The following HS3ST4 variants were observed in gnomAD, a reference collection of about 807,000 sequenced individuals.
The protein encoded by HS3ST4 is heparan sulfate-glucosamine 3-sulfotransferase 4, also known as heparan sulfate glucosamine 3-O-sulfotransferase 4.
HS3ST4 carries 17 observed loss-of-function variants against 29.2 expected under a neutral mutation model. The ratio of observed to expected loss-of-function variants is 0.58; its 90% CI spans 0.40 to 0.87. The LOEUF is 0.87. Ranked by LOEUF, HS3ST4 falls within the 40% of genes least tolerant of loss-of-function variation. The pLI, the probability that HS3ST4 is intolerant of heterozygous loss-of-function variation, is 0.00. For synonymous variants in HS3ST4, 314 were observed against 285.7 expected, an observed-to-expected ratio of 1.10 and a Z score of -1.00; for missense variants, 627 against 634.5, an observed-to-expected ratio of 0.99 and a Z score of 0.13.
At chr16:25,822,857 C>A (rs1227989528) in intron 1 of HS3ST4, among the ~76,000 whole-genome samples, 1 of 152,108 alleles carries the variant, frequency 6.6e-6, no homozygotes, top group Non-Finnish European at 1.5e-5. Context: ...CCTGCCTCAG[C>A]CTCCCAAGTA....
rs1423929466 is a variant in HS3ST4 at position 25,692,284 on chromosome 16, A to T, written c.-134A>T. On this transcript the variant is annotated 5_prime_UTR_variant, in exon 1 of 2. An upstream start codon of the reference 5' UTR is lost. Transcript: ENST00000331351. The stretch of plus-strand genomic sequence containing the variant: ...GCCGGGGGCGCAGCGGCGTCGCTTC[A>T]TGCAGCCGGGGCGGCTGGGCAGCGG... The T allele has an allele frequency of 1.3e-5, 2 of 152,220 alleles. No individual in the cohort carries two copies. The highest frequency in any genetic ancestry group is 2.7e-5 in the Non-Finnish European group (2 of 74,908). 9.4% of individuals were successfully genotyped at this position (152,220 alleles called of 1,614,324 possible).
intron 1 of HS3ST4, among the ~76,000 whole-genome samples, chr16:25,940,090 C>A (rs1409642230): frequency 2.6e-5 from 4 of 152,124 alleles, no homozygotes; most frequent in Non-Finnish European, 5.9e-5. Flanking sequence ...GAGCTTTATT[C>A]CGATTACATG....
chr16:25,931,390 A>G (rs116562184), intron 1 of HS3ST4, among the ~76,000 whole-genome samples: 2,485 of 152,324 alleles, frequency 0.016, 75 homozygotes, highest in African/African-American at 0.057. Context: ...CATGGCTTTC[A>G]TGCACTTAGG....
At chr16:25,820,138 A>G (rs934187928) in intron 1 of HS3ST4, among the ~76,000 whole-genome samples, 10 of 150,830 alleles carry the variant, frequency 6.6e-5, no homozygotes, top group African/African-American at 2.4e-4. Flanking sequence ...CTCCCATTAC[A>G]CCAACTCATG....
At chr16:25,864,809 C>T (rs1409110526) in intron 1 of HS3ST4, among the ~76,000 whole-genome samples, 1 of 150,286 alleles carries the variant, frequency 6.7e-6, no homozygotes, top group Non-Finnish European at 1.5e-5. Context: ...ATACATATTC[C>T]ATTGTATATA....
chr16:26,099,333 T>G (rs1044482026), intron 1 of HS3ST4, among the ~76,000 whole-genome samples: 1 of 152,100 alleles, frequency 6.6e-6, no homozygotes, highest in African/African-American at 2.4e-5. Flanking sequence ...TTTCAAAAAT[T>G]TTTGTGGAGT....
At chr16:26,078,247 T>G (rs913187594) in intron 1 of HS3ST4, among the ~76,000 whole-genome samples, 3 of 152,172 alleles carry the variant, frequency 2.0e-5, no homozygotes, top group African/African-American at 4.8e-5. Context: ...TTCATGCCTA[T>G]TCTTCTGCCT....
At chr16:25,927,039 G>A (rs1014853590) in intron 1 of HS3ST4, among the ~76,000 whole-genome samples, 1 of 151,732 alleles carries the variant, frequency 6.6e-6, no homozygotes, top group South Asian at 2.1e-4. Flanking sequence ...TCCAGCCTGG[G>A]CGACAAGAGC....
intron 1 of HS3ST4, among the ~76,000 whole-genome samples, chr16:26,057,404 G>T (rs1378490215): frequency 2.0e-5 from 3 of 152,188 alleles, no homozygotes; most frequent in Non-Finnish European, 4.4e-5. Flanking sequence ...CTCAGGTGTG[G>T]CCATATGACC....
At chr16:25,898,010 G>A (rs1311540276) in intron 1 of HS3ST4, among the ~76,000 whole-genome samples, 4 of 152,176 alleles carry the variant, frequency 2.6e-5, no homozygotes, top group East Asian at 1.9e-4. Context: ...CCGCGCAGGC[G>A]AGCCCTGGCA....
intron 1 of HS3ST4, among the ~76,000 whole-genome samples, chr16:25,946,328 A>G (rs917435392): frequency 4.6e-5 from 7 of 152,228 alleles, no homozygotes; most frequent in African/African-American, 1.7e-4. Flanking sequence ...TAACAGATTG[A>G]TAATGCATTC....
intron 1 of HS3ST4, among the ~76,000 whole-genome samples, chr16:25,913,838 AT>A (rs1596612101): frequency 7.9e-6 from 1 of 126,248 alleles, no homozygotes; most frequent in East Asian, 2.5e-4. Context: ...AGGTGTATGT[AT>A]GTGGATGTGG....
intron 1 of HS3ST4, among the ~76,000 whole-genome samples, chr16:25,928,035 CAAAA>C (rs767016845): frequency 3.9e-5 from 2 of 50,930 alleles, no homozygotes; most frequent in Admixed American, 2.4e-4. Context: ...CCCATCTCGA[CAAAA>C]AAAAAAAAAA....
chr16:25,886,497 C>G (rs535905348), intron 1 of HS3ST4, among the ~76,000 whole-genome samples: 1 of 152,154 alleles, frequency 6.6e-6, no homozygotes, highest in Non-Finnish European at 1.5e-5. Context: ...TATCATCAGT[C>G]CTGGCTTGAT....
chr16:26,053,253 T>C (rs1384559561), intron 1 of HS3ST4, among the ~76,000 whole-genome samples: 1 of 152,224 alleles, frequency 6.6e-6, no homozygotes, highest in Non-Finnish European at 1.5e-5. Context: ...GGTGGAAGTC[T>C]AGGGTCTCCA....
At chr16:25,752,025 AC>A (rs910918775) in intron 1 of HS3ST4, among the ~76,000 whole-genome samples, 2 of 151,956 alleles carry the variant, frequency 1.3e-5, no homozygotes, top group Non-Finnish European at 2.9e-5. Context: ...CTGAGATTAA[AC>A]CTGGGACTGT....
At chr16:26,105,063 TC>T (rs1377912780) in intron 1 of HS3ST4, among the ~76,000 whole-genome samples, 1 of 152,126 alleles carries the variant, frequency 6.6e-6, no homozygotes, top group African/African-American at 2.4e-5. Context: ...AAGCCTCTTC[TC>T]CCCACAGCAA....
chr16:26,054,323 GAAGAAGAGA>G (rs1308349974), intron 1 of HS3ST4, among the ~76,000 whole-genome samples: 1 of 146,526 alleles, frequency 6.8e-6, no homozygotes, highest in African/African-American at 2.7e-5. Context: ...AGAAGAAGAA[GAAGAAGAGA>G]AGAAGAAGAA....
chr16:25,916,050 A>G (rs1968290210), intron 1 of HS3ST4, among the ~76,000 whole-genome samples: 1 of 152,212 alleles, frequency 6.6e-6, no homozygotes, highest in South Asian at 2.1e-4. Flanking sequence ...ATGGAGGAGG[A>G]TAAGGGAAAT....
Sources: allele counts gnomAD v4.1 joint callset (sites outside exome capture counted in the v4.1 genomes callset), GRCh38; gene constraint gnomAD v4.1.1; transcripts MANE v1.5; gene names NCBI Gene and HGNC (gene_info 2026-07-23, HGNC 2026-07-21).